The following PIK3C2G variants were observed in gnomAD, a reference collection of about 807,000 sequenced individuals.
PIK3C2G encodes phosphatidylinositol 3-kinase C2 domain-containing subunit gamma.
A neutral mutation model predicts 181.1 loss-of-function variants in PIK3C2G; 168 were observed. The ratio of observed to expected loss-of-function variants is 0.93; its 90% CI spans 0.82 to 1.05. The LOEUF (loss-of-function observed/expected upper bound fraction) is 1.05, where lower values mean the gene tolerates loss of function less well. Ranked by LOEUF, PIK3C2G falls within the 50% of genes least tolerant of loss-of-function variation. The pLI is 0.00. For synonymous variants in PIK3C2G, 573 were observed against 592.2 expected, an observed-to-expected ratio of 0.97 and a Z score of 0.47; for missense variants, 1,869 against 1,732.8, an observed-to-expected ratio of 1.08 and a Z score of -1.40.
Position 18,563,034 on chromosome 12 carries a change from C to T in PIK3C2G, c.3780+142C>T. ...TAATTTACAATTTAAGCAGAAGTGT[C>T]ATTAAGAGGATGTTCCAAGGAAAAA... On this transcript the variant is annotated intron_variant, in intron 27 of 32. Coordinates refer to ENST00000538779, the MANE Select transcript of PIK3C2G (RefSeq NM_001288772.2). The T allele has an allele frequency of 1.1e-5, 7 of 651,614 alleles. No homozygotes were observed. The South Asian group carries it at 1.4e-4, about 13-fold the overall frequency. The allele number at this position is 651,614 out of a possible 1,614,324, so 40.4% of individuals were successfully genotyped here.
At chr12:18,721,880 G>A in the PIK3C2G span, among the ~76,000 whole-genome samples, 16 of 151,980 alleles carry the variant, frequency 1.1e-4, no homozygotes, top group East Asian at 1.7e-3. Flanking sequence ...CTACAATATC[G>A]AGAACCCTTC....
At position 18,524,041 on chromosome 12, in the gene PIK3C2G, G is replaced by C. The variant is rs369513420; in HGVS notation, c.3324-14115G>C. 4.6e-5 allele frequency among the ~76,000 whole-genome samples: 7 copies of C among 152,326 alleles called. No individual in the cohort carries two copies. In the South Asian group the frequency reaches 8.3e-4, roughly 18 times the overall value. ...AGATGAAGAGCAACCCCCACAATCT[G>C]TGTGCTGGTGGCTGAGAGCCCCACT... On this transcript the variant is annotated intron_variant, in intron 24 of 32. Coordinates refer to ENST00000538779, the MANE Select transcript of PIK3C2G (RefSeq NM_001288772.2).
At chr12:18,658,471 C>T in the PIK3C2G span, among the ~76,000 whole-genome samples, 7 of 152,140 alleles carry the variant, frequency 4.6e-5, no homozygotes, top group East Asian at 1.9e-4. Flanking sequence ...AAGAAATCCT[C>T]AATAAGATTA....
chr12:18,309,939 C>A (rs1950571506), intron 5 of PIK3C2G, among the ~76,000 whole-genome samples: 1 of 151,676 alleles, frequency 6.6e-6, no homozygotes, highest in African/African-American at 2.4e-5. Context: ...ATTCCTGAAC[C>A]TTTTTATGCC....
At chr12:18,526,856 T>C (rs1200953327) in intron 24 of PIK3C2G, among the ~76,000 whole-genome samples, 4 of 152,172 alleles carry the variant, frequency 2.6e-5, no homozygotes, top group Admixed American at 2.6e-4. Context: ...TTCTCCCTTT[T>C]TGACTTTACC....
At chr12:18,378,082 G>C (rs1357085318) in intron 13 of PIK3C2G, among the ~76,000 whole-genome samples, 2 of 152,032 alleles carry the variant, frequency 1.3e-5, no homozygotes, top group Non-Finnish European at 2.9e-5. Flanking sequence ...TGTGCCTCAG[G>C]GTTAAAGCCA....
intron 30 of PIK3C2G, 107 bp downstream of exon 30, chr12:18,594,676 G>A (rs1947261926): frequency 1.8e-6 from 1 of 552,020 alleles, no homozygotes. Context: ...CTCTTTTTAA[G>A]AGTAAGACTT....
the PIK3C2G span, among the ~76,000 whole-genome samples, chr12:18,664,204 C>T: frequency 1.3e-5 from 2 of 152,146 alleles, no homozygotes; most frequent in African/African-American, 4.8e-5. Flanking sequence ...CACTGTGGGA[C>T]ACAGTTTGGT....
chr12:18,479,745 C>T (rs956563073), intron 18 of PIK3C2G, among the ~76,000 whole-genome samples: 9 of 152,122 alleles, frequency 5.9e-5, no homozygotes, highest in Non-Finnish European at 1.0e-4. Flanking sequence ...TTTCAAATCA[C>T]GTTTCAGTGG....
intron 18 of PIK3C2G, among the ~76,000 whole-genome samples, chr12:18,486,654 A>C (rs1201181989): frequency 6.6e-6 from 1 of 152,016 alleles, no homozygotes; most frequent in Non-Finnish European, 1.5e-5. Flanking sequence ...ATCAGGTTAA[A>C]AATACTTAAA....
intron 18 of PIK3C2G, among the ~76,000 whole-genome samples, chr12:18,456,149 G>C (rs1947613803): frequency 6.6e-6 from 1 of 152,080 alleles, no homozygotes; most frequent in Admixed American, 6.6e-5. Flanking sequence ...TTAAAGTTTA[G>C]GAATAAATAA....
the PIK3C2G span, among the ~76,000 whole-genome samples, chr12:18,674,041 G>T: frequency 6.6e-6 from 1 of 152,176 alleles, no homozygotes; most frequent in Non-Finnish European, 1.5e-5. Context: ...AAAGCTGTGA[G>T]TATCAGGAAG....
intron 15 of PIK3C2G, among the ~76,000 whole-genome samples, chr12:18,397,057 C>T (rs118154165): frequency 0.061 from 9,205 of 151,800 alleles, 357 homozygotes; most frequent in Middle Eastern, 0.12. Flanking sequence ...TGTGATATTG[C>T]TTAAGGACAG....
chr12:18,598,846 C>A (rs946948910), intron 30 of PIK3C2G, among the ~76,000 whole-genome samples: 5 of 151,790 alleles, frequency 3.3e-5, no homozygotes, highest in African/African-American at 1.2e-4. Context: ...AGGACATGAA[C>A]AGACGCTTCT....
At chr12:18,479,751 A>C (rs75233767) in intron 18 of PIK3C2G, among the ~76,000 whole-genome samples, 281 of 152,296 alleles carry the variant, frequency 1.8e-3, no homozygotes, top group African/African-American at 6.4e-3. Context: ...ATCACGTTTC[A>C]GTGGATTTTA....
intron 14 of PIK3C2G, among the ~76,000 whole-genome samples, chr12:18,390,618 AAAG>A (rs1943473289): frequency 6.6e-6 from 1 of 152,170 alleles, no homozygotes; most frequent in African/African-American, 2.4e-5. Context: ...GTTCTTTACC[AAAG>A]AAGAGCTCAC....
At chr12:18,351,237 A>G (rs1201475066) in intron 11 of PIK3C2G, among the ~76,000 whole-genome samples, 1 of 152,082 alleles carries the variant, frequency 6.6e-6, no homozygotes, top group African/African-American at 2.4e-5. Context: ...ATAAAAATAT[A>G]TAATAAACAT....
At chr12:18,274,953 T>TA (rs1332304168) in intron 1 of PIK3C2G, among the ~76,000 whole-genome samples, 1 of 152,218 alleles carries the variant, frequency 6.6e-6, no homozygotes, top group Non-Finnish European at 1.5e-5. Flanking sequence ...ATGTTATATA[T>TA]TTAATTCTCA....
upstream of PIK3C2G, among the ~76,000 whole-genome samples, chr12:18,257,996 AT>A (rs1948165513): frequency 6.6e-6 from 1 of 152,162 alleles, no homozygotes; most frequent in African/African-American, 2.4e-5. Flanking sequence ...GCAAAGGCAT[AT>A]GGGAAGTGTC....
Sources: gnomAD v4.1 joint callset for allele counts (sites outside exome capture counted in the v4.1 genomes callset) on GRCh38, gnomAD v4.1.1 for gene constraint, MANE v1.5 for transcripts, NCBI Gene and HGNC (gene_info 2026-07-23, HGNC 2026-07-21) for gene names.